TMEM184C: variants seen among roughly 807,000 people sequenced by gnomAD.
TMEM184C encodes the protein transmembrane protein 34.
Under a neutral mutation model 54.5 loss-of-function variants are expected in TMEM184C, and 25 were observed. That is an observed-to-expected ratio of 0.46 (90% CI 0.33 to 0.64). The LOEUF (loss-of-function observed/expected upper bound fraction) is 0.64, where lower values mean the gene tolerates loss of function less well. TMEM184C is among the 30% of genes least tolerant of loss of function. The probability of loss-of-function intolerance (pLI) is 0.02; values close to 1 mark genes in which losing one functional copy is unlikely to be tolerated. For synonymous variants in TMEM184C, 148 were observed against 181.5 expected (o/e 0.82, Z 1.49); for missense variants, 335 against 520.3 (o/e 0.64, Z 3.46).
chr4:147,627,227 G>A (rs1286944085), intron 4 of TMEM184C, among the ~76,000 whole-genome samples: 1 of 152,168 alleles, frequency 6.6e-6, no homozygotes, highest in African/African-American at 2.4e-5. Context: ...GAGAGTCTTT[G>A]TCAAATGAGA....
chr4:147,621,880 C>T (rs1482078052), intron 1 of TMEM184C, among the ~76,000 whole-genome samples: 1 of 152,134 alleles, frequency 6.6e-6, no homozygotes, highest in Admixed American at 6.5e-5. Context: ...CTTCATTAGT[C>T]ACAAGCACAT....
Position 147,634,182 on chromosome 4 carries a change from G to A in TMEM184C, c.1065G>A (p.Arg355=). ...EQVRHVGRTV[R]GHPRKKLFPE... ...TTTATATTAAAGGACGGACAGTCAG[G>A]GGACATCCCAGGAAAAAATTGTTTC... Residue 355 remains arginine (R), a synonymous_variant, in exon 10 of 10, where the codon AGG becomes AGA. Transcript: ENST00000296582. The A allele has an allele frequency of 1.2e-6, 2 of 1,613,612 alleles. No homozygotes were observed. Among genetic ancestry groups the A allele is most frequent in the South Asian group, 1.1e-5 (1 of 91,044 alleles).
At chr4:147,621,498 T>C (rs1287043095) in intron 1 of TMEM184C, among the ~76,000 whole-genome samples, 1 of 152,220 alleles carries the variant, frequency 6.6e-6, no homozygotes, top group Non-Finnish European at 1.5e-5. Context: ...TTTGAATAAA[T>C]TATTTAGAGG....
Position 147,634,721 on chromosome 4 carries a change from G to T in TMEM184C, c.*287G>T. 2 of 193,284 alleles carry T rather than the reference G, an allele frequency of 1.0e-5. No homozygotes were observed. Among genetic ancestry groups the T allele is most frequent in the Non-Finnish European group, 1.8e-5 (2 of 112,434 alleles). 12.0% of individuals were successfully genotyped at this position (193,284 alleles called of 1,614,324 possible). On this transcript the variant is annotated 3_prime_UTR_variant, in exon 10 of 10. Transcript: ENST00000296582. ...CTGATGTTACACTGCTTTATCAAGA[G>T]GATGGACTTTTTTTTTTTTGAGACA...
In TMEM184C at chr4:147,635,608, TACTC is replaced by T. The variant is rs1396091268; in HGVS notation, c.*1176_*1179del. On this transcript the variant is annotated 3_prime_UTR_variant, in exon 10 of 10. Coordinates refer to ENST00000296582, the MANE Select transcript of TMEM184C (RefSeq NM_018241.3). ...CCTTTGCTTTATGTATTTATACACA[TACTC>T]ATTCATATCTATCTATATATATAGA... 3 of 152,196 alleles carry T rather than the reference TACTC, an allele frequency of 2.0e-5. No individual in the cohort carries two copies. The highest frequency in any genetic ancestry group is 4.8e-5 in the African/African-American group (2 of 41,452). 9.4% of individuals were successfully genotyped at this position (152,196 alleles called of 1,614,324 possible). A position where few individuals can be genotyped will look rare whatever the true frequency, so the allele number is the denominator to read the frequency against.
In TMEM184C at chr4:147,632,892, C is replaced by G; in HGVS notation, c.780-11C>G. On this transcript the variant is annotated splice_polypyrimidine_tract_variant and intron_variant, in intron 7 of 9. Coordinates refer to ENST00000296582, the MANE Select transcript of TMEM184C (RefSeq NM_018241.3). ...ATATAGATTTGGCGTTTACCTTTTC[C>G]TAACATATAGGCAAGCAGTAGTTAT... 1 of 1,609,522 alleles carries G rather than the reference C, an allele frequency of 6.2e-7. No homozygotes were observed.
chr4:147,630,389 C>T (rs929560016), intron 6 of TMEM184C, among the ~76,000 whole-genome samples: 4 of 152,012 alleles, frequency 2.6e-5, no homozygotes, highest in African/African-American at 9.7e-5. Context: ...TGTTCATCCT[C>T]TTTGGAACCA....
chr4:147,620,352 C>T (rs1352101489), intron 1 of TMEM184C, among the ~76,000 whole-genome samples: 1 of 152,134 alleles, frequency 6.6e-6, no homozygotes, highest in Non-Finnish European at 1.5e-5. Flanking sequence ...ACATTACCTC[C>T]ATAGAACTTG....
At position 147,629,681 on chromosome 4, in the gene TMEM184C, A is replaced by T; in HGVS notation, c.655A>T (p.Met219Leu). The change falls in exon 6 of 10, where the codon ATG (methionine) becomes TTG (leucine). Residue 219 changes from methionine to leucine, a missense_variant. Physicochemically the swap from Met to Leu is conservative, Grantham distance 15 (BLOSUM62 2). Transcript: ENST00000296582. ...GACTTATTTGGTTATAATAAACAAC[A>T]TGTCACAGTTGGTAAGTAAAATGTT... ...AWTYLVIINN[M>L]SQLFAMYCLL... is the part of the protein sequence containing the mutation. 2 of 1,576,808 alleles carry T rather than the reference A, an allele frequency of 1.3e-6. No homozygotes were observed. The highest frequency in any genetic ancestry group is 1.7e-6 in the Non-Finnish European group (2 of 1,164,852).
chr4:147,634,465 T>G lies in TMEM184C; in HGVS notation c.*31T>G. ...ATGGAAAAGCAAACTGTGCAACTAC[T>G]ACATTATATCATTACCTGGTATCCC... On this transcript the variant is annotated 3_prime_UTR_variant, in exon 10 of 10. Transcript: ENST00000296582. 6.2e-7 allele frequency: 1 copy of G among 1,601,856 alleles called. No individual in the cohort carries two copies.
Position 147,635,000 on chromosome 4 carries a change from G to GC in TMEM184C, c.*567dup, listed in dbSNP as rs1417926578. The GC allele has an allele frequency of 6.6e-6, 1 of 152,368 alleles. No individual in the cohort carries two copies. Among genetic ancestry groups the GC allele is most frequent in the Admixed American group, 6.5e-5 (1 of 15,284 alleles). The allele number at this position is 152,368 out of a possible 1,614,324, so 9.4% of individuals were successfully genotyped here. A position where few individuals can be genotyped will look rare whatever the true frequency, so the allele number is the denominator to read the frequency against. On this transcript the variant is annotated 3_prime_UTR_variant, in exon 10 of 10. Transcript: ENST00000296582. ...GCCTCCCAAAGTGCTGGAATTACAG[G>GC]CGTGAGCCACTGCGCCTGGCCAAGA...
rs1732958673 is a variant in TMEM184C at position 147,633,741 on chromosome 4, GTTATC to G, written c.880-19_880-15del. The G allele has an allele frequency of 2.0e-6, 3 of 1,511,144 alleles. No individual in the cohort carries two copies. Among genetic ancestry groups the G allele is most frequent in the Non-Finnish European group, 2.7e-6 (3 of 1,126,502 alleles). 93.6% of individuals were successfully genotyped at this position (1,511,144 alleles called of 1,614,324 possible). ...CCTAGATTTAAATCCAAAGGTGGCTGTTATCTTATTGTTGTTCTCATAGGATTTTA... is the reference window on the plus strand; with the variant it reads ...CCTAGATTTAAATCCAAAGGTGGCTGTTATTGTTGTTCTCATAGGATTTTA... On this transcript the variant is annotated intron_variant, in intron 8 of 9. Coordinates refer to ENST00000296582, the MANE Select transcript of TMEM184C (RefSeq NM_018241.3).
intron 1 of TMEM184C, among the ~76,000 whole-genome samples, chr4:147,622,459 A>T (rs28706741): frequency 0.012 from 1,748 of 151,964 alleles, 40 homozygotes; most frequent in African/African-American, 0.04. Context: ...TTAACCACTT[A>T]CTGTGTGTCC....
In TMEM184C at chr4:147,632,709, A is replaced by G. The variant is rs1732938277; in HGVS notation, c.780-194A>G. ...TCAGCTTGACTCCCTATCTTGAGAC[A>G]AAACTACTAGAAAAATGAATTTGTA... On this transcript the variant is annotated intron_variant, in intron 7 of 9. Transcript: ENST00000296582. 7.8e-6 allele frequency: 4 copies of G among 511,510 alleles called. No individual in the cohort carries two copies. In the East Asian group the frequency reaches 1.2e-4, roughly 15 times the overall value. 31.7% of individuals were successfully genotyped at this position (511,510 alleles called of 1,614,324 possible). A position where few individuals can be genotyped will look rare whatever the true frequency, so the allele number is the denominator to read the frequency against.
intron 1 of TMEM184C, among the ~76,000 whole-genome samples, chr4:147,618,943 C>T (rs963638304): frequency 3.3e-5 from 5 of 152,222 alleles, no homozygotes; most frequent in Non-Finnish European, 5.9e-5. Context: ...GATCTCGGCT[C>T]ACCGCAACCT....
Position 147,634,163 on chromosome 4 carries a change from T to TTA in TMEM184C, c.1052-5_1052-4dup. The TTA allele has an allele frequency of 6.2e-7, 1 of 1,609,342 alleles. No homozygotes were observed. The highest frequency in any genetic ancestry group is 8.5e-7 in the Non-Finnish European group (1 of 1,177,890). ...CTTTTGACTAACAGAAAACTTTATATTAAAGGACGGACAGTCAGGGGACAT... is the reference window on the plus strand; with the variant it reads ...CTTTTGACTAACAGAAAACTTTATATTATAAAGGACGGACAGTCAGGGGACAT... On this transcript the variant is annotated splice_polypyrimidine_tract_variant and splice_region_variant and intron_variant, in intron 9 of 9. Transcript: ENST00000296582.
At chr4:147,625,929 G>A (rs1246056500) in intron 4 of TMEM184C, among the ~76,000 whole-genome samples, 1 of 152,176 alleles carries the variant, frequency 6.6e-6, no homozygotes, top group Non-Finnish European at 1.5e-5. Context: ...GAGTTTTAAG[G>A]ATAATTTGCT....
intron 1 of TMEM184C, 82 bp from the exon 2 acceptor site, chr4:147,623,752 A>G: frequency 7.2e-7 from 1 of 1,389,318 alleles, no homozygotes; most frequent in Non-Finnish European, 1.0e-6. Flanking sequence ...TGCTAGGATT[A>G]TAGGCACAAG....
At chr4:147,634,061 C>G in intron 9 of TMEM184C, 108 bp from the exon 10 acceptor site, 2 of 1,515,406 alleles carry the variant, frequency 1.3e-6, no homozygotes, top group Non-Finnish European at 1.8e-6. Context: ...AGTGCAGGCT[C>G]ATCAACTTTG....
Sources: allele counts gnomAD v4.1 joint callset (sites outside exome capture counted in the v4.1 genomes callset), GRCh38; gene constraint gnomAD v4.1.1; transcripts MANE v1.5; gene names NCBI Gene and HGNC (gene_info 2026-07-23, HGNC 2026-07-21).